The following LRP1B variants were observed in gnomAD, a reference collection of about 807,000 sequenced individuals.
LRP1B encodes low-density lipoprotein receptor-related protein 1B.
Under a neutral mutation model 556.6 loss-of-function variants are expected in LRP1B, and 217 were observed. The observed-to-expected ratio is 0.39, with a 90% CI of 0.35 to 0.44. The LOEUF (loss-of-function observed/expected upper bound fraction) is 0.44. Ranked by LOEUF, LRP1B falls within the 20% of genes least tolerant of loss-of-function variation. The probability of loss-of-function intolerance (pLI) is 1.00; values close to 1 mark genes in which losing one functional copy is unlikely to be tolerated. For missense variants in LRP1B, 5,053 were observed against 5,620.8 expected (o/e 0.90, Z 3.23); for synonymous variants, 2,047 against 1,865.8 (o/e 1.10, Z -2.50).
intron 2 of LRP1B, among the ~76,000 whole-genome samples, chr2:141,765,656 T>C (rs529521305): frequency 6.6e-6 from 1 of 152,314 alleles, no homozygotes; most frequent in African/African-American, 2.4e-5. Context: ...GAGTTGCCAT[T>C]TTGCCCGGAA....
chr2:141,814,528 T>C (rs1696466211), intron 1 of LRP1B, among the ~76,000 whole-genome samples: 1 of 152,158 alleles, frequency 6.6e-6, no homozygotes, highest in East Asian at 1.9e-4. Flanking sequence ...GATGGTACTG[T>C]GGAAAAACAT....
intron 79 of LRP1B, among the ~76,000 whole-genome samples, chr2:140,332,023 C>T (rs914674202): frequency 8.6e-5 from 13 of 151,848 alleles, no homozygotes; most frequent in Admixed American, 2.6e-4. Flanking sequence ...ATTGATAAAG[C>T]CAAGGTTTGA....
intron 84 of LRP1B, among the ~76,000 whole-genome samples, chr2:140,279,875 A>G (rs10166449): frequency 0.022 from 3,292 of 152,004 alleles, 118 homozygotes; most frequent in African/African-American, 0.074. Context: ...TTTAAGCACC[A>G]AAAATACTTT....
At chr2:141,467,273 A>C (rs1682267325) in intron 3 of LRP1B, among the ~76,000 whole-genome samples, 1 of 151,894 alleles carries the variant, frequency 6.6e-6, no homozygotes, top group African/African-American at 2.4e-5. Flanking sequence ...CTGGGTTAGT[A>C]AGTACCGATG....
At chr2:141,804,423 T>C (rs1026123224) in intron 2 of LRP1B, among the ~76,000 whole-genome samples, 2 of 152,150 alleles carry the variant, frequency 1.3e-5, no homozygotes, top group African/African-American at 4.8e-5. Flanking sequence ...ATCAAGGTTT[T>C]TGGAAGAGTT....
chr2:141,654,015 G>A (rs781673150), intron 2 of LRP1B, among the ~76,000 whole-genome samples: 1 of 152,142 alleles, frequency 6.6e-6, no homozygotes, highest in Non-Finnish European at 1.5e-5. Context: ...GTTTCTCAGA[G>A]AAGGTTCTAA....
intron 35 of LRP1B, among the ~76,000 whole-genome samples, chr2:140,729,692 G>T (rs966580086): frequency 6.6e-6 from 1 of 152,126 alleles, no homozygotes; most frequent in Admixed American, 6.5e-5. Context: ...TCACCCTCTT[G>T]TAAGTATTTG....
At chr2:141,647,361 C>A (rs1006052631) in intron 2 of LRP1B, among the ~76,000 whole-genome samples, 1 of 152,100 alleles carries the variant, frequency 6.6e-6, no homozygotes, top group Non-Finnish European at 1.5e-5. Flanking sequence ...ATAGAGGAAG[C>A]GTTTTCCACC....
intron 18 of LRP1B, among the ~76,000 whole-genome samples, chr2:140,959,982 G>A (rs566361501): frequency 4.6e-5 from 7 of 151,322 alleles, no homozygotes; most frequent in African/African-American, 7.3e-5. Flanking sequence ...GGTACTTTTC[G>A]TTCAGTTTCA....
intron 1 of LRP1B, among the ~76,000 whole-genome samples, chr2:142,042,160 A>G (rs1704087836): frequency 6.6e-6 from 1 of 151,386 alleles, no homozygotes. Context: ...ACTGAATGCT[A>G]CTGTCTGCGG....
intron 1 of LRP1B, among the ~76,000 whole-genome samples, chr2:142,095,073 T>TA (rs1291064554): frequency 2.7e-5 from 4 of 150,088 alleles, no homozygotes; most frequent in Admixed American, 6.7e-5. Context: ...AATAGCAAAA[T>TA]AAAAAAATAG....
chr2:141,198,139 C>G (rs1286996704), intron 6 of LRP1B, among the ~76,000 whole-genome samples: 2 of 152,020 alleles, frequency 1.3e-5, no homozygotes, highest in African/African-American at 4.8e-5. Flanking sequence ...TTGAAAATGC[C>G]TACTGAATAA....
At chr2:141,043,932 A>G (rs1222086361) in intron 11 of LRP1B, among the ~76,000 whole-genome samples, 1 of 151,982 alleles carries the variant, frequency 6.6e-6, no homozygotes, top group African/African-American at 2.4e-5. Context: ...TAAAGTTCAT[A>G]TGGAACCAAA....
At chr2:141,391,995 C>T (rs1192948987) in intron 3 of LRP1B, among the ~76,000 whole-genome samples, 3 of 151,992 alleles carry the variant, frequency 2.0e-5, no homozygotes, top group Non-Finnish European at 2.9e-5. Context: ...GCATGTATAT[C>T]CAAAGCATGA....
At chr2:141,414,391 G>GGAAT in intron 3 of LRP1B, among the ~76,000 whole-genome samples, 1 of 150,786 alleles carries the variant, frequency 6.6e-6, no homozygotes, top group African/African-American at 2.4e-5. Flanking sequence ...GAGGGAGGAA[G>GGAAT]AAAGGAAGAC....
intron 1 of LRP1B, among the ~76,000 whole-genome samples, chr2:141,839,297 C>A (rs578061398): frequency 1.3e-5 from 2 of 152,170 alleles, no homozygotes; most frequent in African/African-American, 4.8e-5. Context: ...CAAACAAAGA[C>A]AATAAACTAA....
chr2:140,678,337 G>T (rs1244613811), intron 41 of LRP1B, among the ~76,000 whole-genome samples: 1 of 152,126 alleles, frequency 6.6e-6, no homozygotes, highest in Non-Finnish European at 1.5e-5. Context: ...TTTGGAATAA[G>T]AAGCTAATAA....
chr2:141,212,548 T>C (rs1206232878), intron 6 of LRP1B, among the ~76,000 whole-genome samples: 3 of 150,574 alleles, frequency 2.0e-5, no homozygotes, highest in African/African-American at 7.4e-5. Flanking sequence ...CCTCCCAGAG[T>C]GCTAGGATTA....
At chr2:141,146,212 T>A (rs1188709947) in intron 7 of LRP1B, among the ~76,000 whole-genome samples, 3 of 151,522 alleles carry the variant, frequency 2.0e-5, no homozygotes, top group African/African-American at 4.9e-5. Flanking sequence ...GCATAAGCCA[T>A]GTTATTTCAT....
Sources: allele counts gnomAD v4.1 joint callset (sites outside exome capture counted in the v4.1 genomes callset), GRCh38; gene constraint gnomAD v4.1.1; transcripts MANE v1.5; gene names NCBI Gene and HGNC (gene_info 2026-07-23, HGNC 2026-07-21).